IRS2: variants seen among roughly 807,000 people sequenced by gnomAD.
The protein encoded by IRS2 is insulin receptor substrate 2.
A neutral mutation model predicts 70.9 loss-of-function variants in IRS2; 28 were observed. The ratio of observed to expected loss-of-function variants is 0.39; its 90% CI spans 0.29 to 0.54. The LOEUF (loss-of-function observed/expected upper bound fraction) is 0.54, where lower values mean the gene tolerates loss of function less well. Ranked by LOEUF, IRS2 falls within the 20% of genes least tolerant of loss-of-function variation. IRS2 has a pLI of 0.59. For missense variants in IRS2, 2,081 were observed against 2,024.1 expected (o/e 1.03, Z -0.54); for synonymous variants, 1,217 against 981.9 (o/e 1.24, Z -4.48).
rs1877856555 is a variant in IRS2 at position 109,784,665 on chromosome 13, G to C, written c.1389C>G (p.Pro463=). Residue 463 remains proline (P), a synonymous_variant, in exon 1 of 2, where the codon CCC becomes CCG. Coordinates refer to ENST00000375856, the MANE Select transcript of IRS2 (RefSeq NM_003749.3). This position sits in a 1 kb window ranked among gnomAD's most constrained non-coding sequence, Gnocchi z 5.2. The part of the protein sequence containing the change: ...GHGSGSYPPP[P]GPHPPLPHPL... ...GATGCGGCAGAGGCGGGTGCGGGCCGGGCGGCGGCGGGTAGGAGCCCGAGC... is the reference window on the plus strand; with the variant it reads ...GATGCGGCAGAGGCGGGTGCGGGCCCGGCGGCGGCGGGTAGGAGCCCGAGC... 1 of 1,243,746 alleles carries C rather than the reference G, an allele frequency of 8.0e-7. No individual in the cohort carries two copies. The highest frequency in any genetic ancestry group is 1.0e-6 in the Non-Finnish European group (1 of 996,518). The allele number at this position is 1,243,746 out of a possible 1,614,324, so 77.0% of individuals were successfully genotyped here.
At chr13:109,764,105 C>T (rs796079849) in intron 1 of IRS2, among the ~76,000 whole-genome samples, 15 of 152,336 alleles carry the variant, frequency 9.8e-5, no homozygotes, top group African/African-American at 3.6e-4. Flanking sequence ...CCTACTTAGT[C>T]ACTGAAGCGC....
Position 109,783,860 on chromosome 13 carries a change from G to A in IRS2, c.2194C>T (p.Pro732Ser). ...CTGTCCTCGGGGGAGCTCTCGGCGG[G>A]CGAGCTGGCCTTGTAGCCGCCCCCG... Reference protein sequence around the residue: ...ASGGGYKASSPAESSPEDSGY... With the variant: ...ASGGGYKASSSAESSPEDSGY... The change falls in exon 1 of 2, where the codon CCC becomes TCC. Residue 732 changes from proline to serine, a missense_variant. Physicochemically the swap from Pro to Ser is moderately conservative, Grantham distance 74 (BLOSUM62 -1). This residue lies in a region of IRS2 where 1,615 missense variants were observed against 1,459.5 expected (regional missense o/e 1.11). Coordinates refer to ENST00000375856, the MANE Select transcript of IRS2 (RefSeq NM_003749.3). 6.4e-7 allele frequency: 1 copy of A among 1,556,934 alleles called. No homozygotes were observed. Among genetic ancestry groups the A allele is most frequent in the Non-Finnish European group, 8.7e-7 (1 of 1,150,820 alleles).
At chr13:109,759,162 C>G (rs1418909874) in intron 1 of IRS2, among the ~76,000 whole-genome samples, 7 of 152,236 alleles carry the variant, frequency 4.6e-5, no homozygotes, top group Admixed American at 3.3e-4. Context: ...TCTCACCTAG[C>G]CTGTCTCCTG....
Position 109,782,424 on chromosome 13 carries a change from C to T in IRS2, c.3630G>A (p.Ala1210=), listed in dbSNP as rs373029350. ...PPTSPRQLQP[A]PPLAPQGRPW... is the part of the protein sequence containing the mutation. ...GCCGGCCCTGCGGTGCCAAAGGGGG[C>T]GCCGGCTGCAACTGTCGTGGGGAGG... Residue 1210 remains alanine, a synonymous_variant, in exon 1 of 2, where the codon GCG becomes GCA. Coordinates refer to ENST00000375856, the MANE Select transcript of IRS2 (RefSeq NM_003749.3). 2 of 1,595,114 alleles carry T rather than the reference C, an allele frequency of 1.3e-6. No individual in the cohort carries two copies. Among genetic ancestry groups the T allele is most frequent in the East Asian group, 2.3e-5 (1 of 43,810 alleles).
chr13:109,753,459 C>T lies in IRS2; in HGVS notation c.*2845G>A, dbSNP rs1039938354. On this transcript the variant is annotated 3_prime_UTR_variant, in exon 2 of 2. Transcript: ENST00000375856. ...ACCACTCATGGACTGTGTGCTCTCA[C>T]ACAAGTCTCTTAGCATTTTTGTACC... 2 of 152,200 alleles carry T rather than the reference C, an allele frequency of 1.3e-5. No homozygotes were observed. The highest frequency in any genetic ancestry group is 4.8e-5 in the African/African-American group (2 of 41,446). The allele number at this position is 152,200 out of a possible 1,614,324, so 9.4% of individuals were successfully genotyped here.
chr13:109,785,159 CGAA>C lies in IRS2; in HGVS notation c.892_894del (p.Phe298del). On this transcript the variant is annotated inframe_deletion, in exon 1 of 2. Coordinates refer to ENST00000375856, the MANE Select transcript of IRS2 (RefSeq NM_003749.3). The surrounding 1 kb of genome is among the most constrained non-coding windows in gnomAD (Gnocchi z 9.3). ...TGGCTCTTACTGCGCGGCCGGAACT[CGAA>C]GAGCTCCTTGAGCGCCTTCATGGCC... is the stretch of plus-strand genomic sequence containing the variant. The C allele has an allele frequency of 6.3e-7, 1 of 1,599,744 alleles. No individual in the cohort carries two copies. The highest frequency in any genetic ancestry group is 8.5e-7 in the Non-Finnish European group (1 of 1,174,036).
rs1329548871 is a variant in IRS2 at position 109,785,015 on chromosome 13, G to A, written c.1039C>T (p.Leu347=). ...TTGGCCGCCGGCGGGGTGGCGGCCA[G>A]GCTGTCGGTGCGCGAGCGGCGCACC... ...GLVRRSRTDS[L]AATPPAAKCS... Residue 347 remains leucine, a synonymous_variant, in exon 1 of 2, where the codon CTG becomes TTG. Transcript: ENST00000375856. This position sits in a 1 kb window ranked among gnomAD's most constrained non-coding sequence, Gnocchi z 9.3. 1.1e-5 allele frequency: 16 copies of A among 1,455,470 alleles called. No individual in the cohort carries two copies. The highest frequency in any genetic ancestry group is 1.4e-5 in the Non-Finnish European group (16 of 1,107,138). 90.2% of individuals were successfully genotyped at this position (1,455,470 alleles called of 1,614,324 possible).
chr13:109,767,480 A>G (rs1380340486), intron 1 of IRS2, among the ~76,000 whole-genome samples: 1 of 152,154 alleles, frequency 6.6e-6, no homozygotes, highest in East Asian at 1.9e-4. Context: ...GTGGTGATTG[A>G]CACAGTCACA....
In IRS2 at chr13:109,782,463, GC is replaced by G; in HGVS notation, c.3590del (p.Gly1197AlafsTer62). On this transcript the variant is annotated frameshift_variant, in exon 1 of 2. Coordinates refer to ENST00000375856, the MANE Select transcript of IRS2 (RefSeq NM_003749.3). LOFTEE classifies it high-confidence loss of function. ...GTCGTGGGGAGGTGGGCGGCTCGTCGCCCCCTCCAGGGCCGACACCCACGCC... is the reference window on the plus strand; with the variant it reads ...GTCGTGGGGAGGTGGGCGGCTCGTCGCCCCTCCAGGGCCGACACCCACGCC... ...EGGVGVGPGG[G>X]DEPPTSPRQL... is the part of the protein sequence containing the mutation. 1.9e-6 allele frequency: 3 copies of G among 1,565,110 alleles called. No individual in the cohort carries two copies. The highest frequency in any genetic ancestry group is 8.7e-7 in the Non-Finnish European group (1 of 1,155,504).
At position 109,784,998 on chromosome 13, in the gene IRS2, C is replaced by G. The variant is rs1334828544; in HGVS notation, c.1056G>C (p.Pro352=). The change falls in exon 1 of 2, where the codon CCG becomes CCC. Residue 352 remains proline (P), a synonymous_variant. Transcript: ENST00000375856. The surrounding 1 kb of genome is among the most constrained non-coding windows in gnomAD (Gnocchi z 5.2). ...SRTDSLAATP[P]AAKCSSCRVR... Reference sequence around the variant, plus strand: ...CCCGGCACGAGCTGCACTTGGCCGCCGGCGGGGTGGCGGCCAGGCTGTCGG... The same window carrying G: ...CCCGGCACGAGCTGCACTTGGCCGCGGGCGGGGTGGCGGCCAGGCTGTCGG... The G allele has an allele frequency of 2.1e-6, 3 of 1,406,344 alleles. No homozygotes were observed. Among genetic ancestry groups the G allele is most frequent in the East Asian group, 5.6e-5 (2 of 35,652 alleles). 87.1% of individuals were successfully genotyped at this position (1,406,344 alleles called of 1,614,324 possible).
In IRS2 at chr13:109,755,233, G is replaced by GTTTTTTTTTTTTT. The variant is rs57032199; in HGVS notation, c.*1070_*1071insAAAAAAAAAAAAA. 4.9e-6 allele frequency: 1 copy of GTTTTTTTTTTTTT among 206,174 alleles called. No individual in the cohort carries two copies. The highest frequency in any genetic ancestry group is 9.4e-6 in the Non-Finnish European group (1 of 106,750). 12.8% of individuals were successfully genotyped at this position (206,174 alleles called of 1,614,324 possible). ...TCTTTCCTTTTTTTTTTTTCTTTTT[G>GTTTTTTTTTTTTT]TTTTTTTTGTTCAGGGCAGCCTCAC... is the stretch of plus-strand genomic sequence containing the variant. On this transcript the variant is annotated 3_prime_UTR_variant, in exon 2 of 2. Coordinates refer to ENST00000375856, the MANE Select transcript of IRS2 (RefSeq NM_003749.3).
At chr13:109,774,086 T>A (rs900391907) in intron 1 of IRS2, among the ~76,000 whole-genome samples, 8 of 152,230 alleles carry the variant, frequency 5.3e-5, no homozygotes, top group Non-Finnish European at 1.2e-4. Context: ...AACACCCTTG[T>A]ATATTTTTTT....
At position 109,754,371 on chromosome 13, in the gene IRS2, G is replaced by A. The variant is rs1594376520; in HGVS notation, c.*1933C>T. 1 of 213,594 alleles carries A rather than the reference G, an allele frequency of 4.7e-6. No homozygotes were observed. 13.2% of individuals were successfully genotyped at this position (213,594 alleles called of 1,614,324 possible). A position where few individuals can be genotyped will look rare whatever the true frequency, so the allele number is the denominator to read the frequency against. On this transcript the variant is annotated 3_prime_UTR_variant, in exon 2 of 2. Coordinates refer to ENST00000375856, the MANE Select transcript of IRS2 (RefSeq NM_003749.3). ...ACACGAACCATCTGTATAGTGTCATGACTACTCTACGGATAGAGGGCGAGT... is the reference window on the plus strand; with the variant it reads ...ACACGAACCATCTGTATAGTGTCATAACTACTCTACGGATAGAGGGCGAGT...
chr13:109,765,390 T>C (rs891546364), intron 1 of IRS2, among the ~76,000 whole-genome samples: 10 of 152,126 alleles, frequency 6.6e-5, no homozygotes, highest in Non-Finnish European at 1.3e-4. Context: ...TCCACATCTT[T>C]GGCTCCTCTT....
intron 1 of IRS2, among the ~76,000 whole-genome samples, chr13:109,771,232 C>CA (rs1383993074): frequency 3.9e-5 from 6 of 151,908 alleles, no homozygotes; most frequent in African/African-American, 1.2e-4. Context: ...TCAATGAATG[C>CA]AAATTCATGG....
Position 109,782,661 on chromosome 13 carries a change from G to T in IRS2, c.3393C>A (p.Arg1131=). The T allele has an allele frequency of 1.3e-6, 2 of 1,570,934 alleles. No homozygotes were observed. The highest frequency in any genetic ancestry group is 1.7e-6 in the Non-Finnish European group (2 of 1,159,902). The change falls in exon 1 of 2, where the codon CGC becomes CGA. Residue 1131 remains arginine (R), a synonymous_variant. Coordinates refer to ENST00000375856, the MANE Select transcript of IRS2 (RefSeq NM_003749.3). ...GGTCTGCGCGGATGACCTTGGCGCC[G>T]CGGTGGGGGTCCGGGGGCTGGCTGG... ...LQASQPPDPH[R]GAKVIRADPQ... is the part of the protein sequence containing the mutation.
In IRS2 at chr13:109,784,861, G is replaced by A. The variant is rs949365108; in HGVS notation, c.1193C>T (p.Pro398Leu). The A allele has an allele frequency of 1.4e-5, 16 of 1,154,378 alleles. No homozygotes were observed. In the African/African-American group the frequency reaches 2.3e-4, roughly 17 times the overall value. 71.5% of individuals were successfully genotyped at this position (1,154,378 alleles called of 1,614,324 possible). ...SPLSPGPVRA[P>L]LSRSHTLSGG... is the part of the protein sequence containing the mutation. ...GCTCAGGGTGTGCGAGCGGCTCAGG[G>A]GCGCGCGCACCGGCCCGGGGCTCAG... Residue 398 changes from proline (P) to leucine (L), a missense_variant, in exon 1 of 2, where the codon CCC becomes CTC. Pro to Leu is a moderately conservative substitution (Grantham distance 98). Transcript: ENST00000375856. The surrounding 1 kb of genome is among the most constrained non-coding windows in gnomAD (Gnocchi z 5.2).
At position 109,784,234 on chromosome 13, in the gene IRS2, C is replaced by T. The variant is rs2138935217; in HGVS notation, c.1820G>A (p.Gly607Asp). 1 of 1,572,926 alleles carries T rather than the reference C, an allele frequency of 6.4e-7. No homozygotes were observed. Among genetic ancestry groups the T allele is most frequent in the Non-Finnish European group, 8.6e-7 (1 of 1,158,452 alleles). Residue 607 changes from glycine to aspartate, a missense_variant, in exon 1 of 2, where the codon GGC becomes GAC. Physicochemically the swap from Gly to Asp is moderately conservative, Grantham distance 94. Around this residue, in one of 4 missense-constraint regions of IRS2, gnomAD observed 1,615 missense variants for 1,459.5 expected, o/e 1.11. Transcript: ENST00000375856. This position sits in a 1 kb window ranked among gnomAD's most constrained non-coding sequence, Gnocchi z 5.2. ...EYTLMRATFS[G>D]SAGRLCPSCP... ...GGACGGGCAGAGGCGGCCCGCGCTG[C>T]CCGAGAAGGTGGCCCGCATCAGGGT...
intron 1 of IRS2, among the ~76,000 whole-genome samples, chr13:109,768,360 T>C (rs1291079414): frequency 2.6e-5 from 4 of 152,324 alleles, no homozygotes; most frequent in East Asian, 1.9e-4. Flanking sequence ...TTATTAAACA[T>C]GCACTTTCCT....
Sources: gnomAD v4.1 joint callset for allele counts (sites outside exome capture counted in the v4.1 genomes callset) on GRCh38, gnomAD v4.1.1 for gene constraint, gnomAD v4.1.1 regional missense constraint, Gnocchi (gnomAD v3.1) non-coding constraint, MANE v1.5 for transcripts, NCBI Gene and HGNC (gene_info 2026-07-23, HGNC 2026-07-21) for gene names.